Variants in SLC12A5 observed in about 807,000 individuals in gnomAD.
The protein encoded by SLC12A5 is K-Cl cotransporter 2.
SLC12A5 carries 18 observed loss-of-function variants against 124.0 expected under a neutral mutation model. The ratio of observed to expected loss-of-function variants is 0.15; its 90% CI spans 0.10 to 0.22. SLC12A5 has a LOEUF of 0.22. SLC12A5 is among the 10% of genes least tolerant of loss of function. SLC12A5 has a pLI of 1.00. For missense variants in SLC12A5, 867 were observed against 1,478.7 expected (o/e 0.59, Z 6.78); for synonymous variants, 589 against 568.0 (o/e 1.04, Z -0.53).
At chr20:46,022,001 A>C in intron 1 of SLC12A5, 1 of 1,224,178 alleles carries the variant, frequency 8.2e-7, no homozygotes, top group Non-Finnish European at 1.1e-6. Context: ...GAGGGGTCCC[A>C]GCCCTAGGCC....
chr20:46,047,396 C>T, intron 14 of SLC12A5, 58 bp from the exon 15 acceptor site: 3 of 1,592,500 alleles, frequency 1.9e-6, no homozygotes, highest in Admixed American at 1.7e-5. Flanking sequence ...TTTCTAAGTC[C>T]CAGCTTCAGC....
Position 46,053,569 on chromosome 20 carries a change from C to G in SLC12A5, c.2548-9C>G. On this transcript the variant is annotated splice_polypyrimidine_tract_variant and intron_variant, in intron 19 of 25. Transcript: ENST00000243964. This position sits in a 1 kb window ranked among gnomAD's most constrained non-coding sequence, Gnocchi z 4.7. ...CTGGACCTTTCTGAATCCCCTTCAT[C>G]GCCTGCAGGTCTGGCGGAAGTGCAA... The G allele has an allele frequency of 6.2e-7, 1 of 1,613,438 alleles. No individual in the cohort carries two copies. Among genetic ancestry groups the G allele is most frequent in the Non-Finnish European group, 8.5e-7 (1 of 1,179,600 alleles).
At chr20:46,024,333 A>G (rs1010010148), upstream of SLC12A5, among the ~76,000 whole-genome samples, 16 of 152,120 alleles carry the variant, frequency 1.1e-4, no homozygotes, top group Non-Finnish European at 2.2e-4. Flanking sequence ...GCAGGAGTGT[A>G]TTGGAAGTTC....
chr20:46,051,942 C>T (rs4812988), intron 18 of SLC12A5, 72 bp downstream of exon 18: 62,352 of 1,283,906 alleles, frequency 0.049, 2,162 homozygotes, highest in Admixed American at 0.14. Context: ...ACTGGATTTC[C>T]GCTCCTTTGG....
upstream of SLC12A5, chr20:46,029,148 G>A: frequency 3.6e-6 from 5 of 1,402,902 alleles, no homozygotes; most frequent in South Asian, 6.5e-5. Flanking sequence ...CGCCGCTGCT[G>A]AGAGGGGGCG....
chr20:46,030,935 G>T (rs991550640), intron 1 of SLC12A5, among the ~76,000 whole-genome samples: 1 of 151,646 alleles, frequency 6.6e-6, no homozygotes, highest in African/African-American at 2.4e-5. Flanking sequence ...TCCAGCATCC[G>T]CCCCCTCCCC....
rs2084694695 is a variant in SLC12A5 at position 46,056,430 on chromosome 20, G to T, written c.2976G>T (p.Glu992Asp). Residue 992 changes from glutamate to aspartate, a missense_variant, in exon 23 of 26, where the codon GAG (glutamate) becomes GAT (aspartate). Coordinates refer to ENST00000243964, the MANE Select transcript of SLC12A5 (RefSeq NM_020708.5). This position sits in a 1 kb window ranked among gnomAD's most constrained non-coding sequence, Gnocchi z 4.3. ...GCAGCTCCCCGTCCCCAGGGGAGGA[G>T]CCTGAGGGGGAAGGGGAGACAGATC... ...CPSSSPSPGE[E>D]PEGEGETDPE... 6.2e-7 allele frequency: 1 copy of T among 1,614,078 alleles called. No homozygotes were observed. Among genetic ancestry groups the T allele is most frequent in the South Asian group, 1.1e-5 (1 of 91,070 alleles).
Position 46,056,433 on chromosome 20 carries a change from T to C in SLC12A5, c.2979T>C (p.Pro993=). The part of the protein sequence containing the change: ...PSSSPSPGEE[P]EGEGETDPEK... The stretch of plus-strand genomic sequence containing the variant: ...GCTCCCCGTCCCCAGGGGAGGAGCC[T>C]GAGGGGGAAGGGGAGACAGATCCGG... Residue 993 remains proline, a synonymous_variant, in exon 23 of 26, where the codon CCT becomes CCC. Transcript: ENST00000243964. This position sits in a 1 kb window ranked among gnomAD's most constrained non-coding sequence, Gnocchi z 4.3. 1 of 1,613,936 alleles carries C rather than the reference T, an allele frequency of 6.2e-7. No homozygotes were observed. The highest frequency in any genetic ancestry group is 8.5e-7 in the Non-Finnish European group (1 of 1,179,924).
chr20:46,044,577 A>AT (rs1275487231), intron 11 of SLC12A5, among the ~76,000 whole-genome samples: 3 of 152,126 alleles, frequency 2.0e-5, no homozygotes, highest in Admixed American at 6.5e-5. Context: ...ATGTGTGCGC[A>AT]TGCCTGCAGC....
intron 1 of SLC12A5, 23 bp downstream of exon 1, chr20:46,029,419 C>G (rs2084425371): frequency 7.3e-6 from 10 of 1,363,572 alleles, no homozygotes; most frequent in South Asian, 2.6e-5. Context: ...CCGGGGGCGG[C>G]GGGGGAGGGG....
In SLC12A5 at chr20:46,056,616, G is replaced by T. The variant is rs1445186179; in HGVS notation, c.3110+52G>T. 5.1e-6 allele frequency: 8 copies of T among 1,556,596 alleles called. No individual in the cohort carries two copies. Among genetic ancestry groups the T allele is most frequent in the African/African-American group, 1.4e-5 (1 of 72,970 alleles). On this transcript the variant is annotated intron_variant, in intron 23 of 25. Coordinates refer to ENST00000243964, the MANE Select transcript of SLC12A5 (RefSeq NM_020708.5). The surrounding 1 kb of genome is among the most constrained non-coding windows in gnomAD (Gnocchi z 4.3). ...GGGCTGGGGTGAGCTAAAGGGTCTT[G>T]CTCCCCATGGCAGAGCAAGAGAGCA...
chr20:46,050,209 G>A (rs2084635685), intron 17 of SLC12A5, among the ~76,000 whole-genome samples: 1 of 152,222 alleles, frequency 6.6e-6, no homozygotes, highest in African/African-American at 2.4e-5. Flanking sequence ...ATTTGATACA[G>A]GAAGAAACTG....
At chr20:46,032,370 A>G (rs2084461612) in intron 1 of SLC12A5, among the ~76,000 whole-genome samples, 2 of 152,178 alleles carry the variant, frequency 1.3e-5, no homozygotes, top group Non-Finnish European at 1.5e-5. Flanking sequence ...TCCTGGCCCT[A>G]AGAGGGGATG....
At position 46,056,120 on chromosome 20, in the gene SLC12A5, G is replaced by A. The variant is rs776650919; in HGVS notation, c.2788-30G>A. 1 of 1,612,970 alleles carries A rather than the reference G, an allele frequency of 6.2e-7. No individual in the cohort carries two copies. Among genetic ancestry groups the A allele is most frequent in the South Asian group, 1.1e-5 (1 of 90,932 alleles). ...AGGGCATGGGTGGTGACTCCCAGCA[G>A]AGCTGGCACCAACCTATGTCACTCC... On this transcript the variant is annotated intron_variant, in intron 21 of 25. Coordinates refer to ENST00000243964, the MANE Select transcript of SLC12A5 (RefSeq NM_020708.5). The surrounding 1 kb of genome is among the most constrained non-coding windows in gnomAD (Gnocchi z 4.3).
chr20:46,028,958 C>T (rs770943606), upstream of SLC12A5: 53 of 226,964 alleles, frequency 2.3e-4, no homozygotes, highest in Non-Finnish European at 3.6e-4. Flanking sequence ...TCAAGGGAGG[C>T]GAGGCCCTGT....
rs2084424755 is a variant in SLC12A5 at position 46,029,388 on chromosome 20, C to T, written c.44C>T (p.Ala15Val). 6.5e-7 allele frequency: 1 copy of T among 1,549,394 alleles called. No homozygotes were observed. The highest frequency in any genetic ancestry group is 8.7e-7 in the Non-Finnish European group (1 of 1,146,450). The change falls in exon 1 of 26, where the codon GCC becomes GTC. Residue 15 changes from alanine (A) to valine (V), a missense_variant. Coordinates refer to ENST00000243964, the MANE Select transcript of SLC12A5 (RefSeq NM_020708.5). ...GACTGCGAGGACGGCGATGGGGGAG[C>T]CAACCCGGGTAAGCTGTGGTCCGGG... The part of the protein sequence containing the change: ...LTDCEDGDGG[A>V]NPGDGNPKES...
At chr20:46,048,874 A>AG (rs942448976) in intron 16 of SLC12A5, among the ~76,000 whole-genome samples, 2 of 150,046 alleles carry the variant, frequency 1.3e-5, no homozygotes, top group African/African-American at 4.9e-5. Context: ...TCTCAAAAAA[A>AG]AAAAGGGGGA....
At chr20:46,022,510 T>C (rs1027735517) in intron 1 of SLC12A5, among the ~76,000 whole-genome samples, 2 of 151,694 alleles carry the variant, frequency 1.3e-5, no homozygotes, top group Non-Finnish European at 2.9e-5. Flanking sequence ...GATCCTCCAA[T>C]CCTCTAGCTC....
chr20:46,028,191 C>T (rs1041234589), upstream of SLC12A5, among the ~76,000 whole-genome samples: 1 of 152,162 alleles, frequency 6.6e-6, no homozygotes, highest in Non-Finnish European at 1.5e-5. Context: ...CTGGAAGCCT[C>T]AGAAAGCAAT....
Sources: gnomAD v4.1 joint callset for allele counts (sites outside exome capture counted in the v4.1 genomes callset) on GRCh38, gnomAD v4.1.1 for gene constraint, Gnocchi (gnomAD v3.1) non-coding constraint, MANE v1.5 for transcripts, NCBI Gene and HGNC (gene_info 2026-07-23, HGNC 2026-07-21) for gene names.